The following GRM7 variants were observed in gnomAD, a reference collection of about 807,000 sequenced individuals.
GRM7 encodes glutamate metabotropic receptor 7, also known as metabotropic glutamate receptor 7.
GRM7 carries 35 observed loss-of-function variants against 84.5 expected under a neutral mutation model. The observed-to-expected ratio is 0.41, with a 90% CI of 0.32 to 0.55. GRM7 has a LOEUF of 0.55. GRM7 is among the 20% of genes least tolerant of loss of function. The pLI, the probability that GRM7 is intolerant of heterozygous loss-of-function variation, is 0.19. For missense variants in GRM7, 1,003 were observed against 1,194.6 expected, an observed-to-expected ratio of 0.84 and a Z score of 2.36; for synonymous variants, 487 against 455.1, an observed-to-expected ratio of 1.07 and a Z score of -0.89.
chr3:6,956,552 C>T lies in GRM7; in HGVS notation c.519+94645C>T, dbSNP rs893702896. The T allele has an allele frequency of 1.3e-5, 6 of 456,610 alleles. No homozygotes were observed. In the East Asian group the frequency reaches 2.1e-4, roughly 16 times the overall value. 28.3% of individuals were successfully genotyped at this position (456,610 alleles called of 1,614,324 possible). A position where few individuals can be genotyped will look rare whatever the true frequency, so the allele number is the denominator to read the frequency against. The stretch of plus-strand genomic sequence containing the variant: ...CTGTGGCATATTTTCCACACTCTCT[C>T]TTCTGTTCTCCTAGGGAGATGCCCT... On this transcript the variant is annotated intron_variant, in intron 1 of 9. Coordinates refer to ENST00000357716, the MANE Select transcript of GRM7 (RefSeq NM_000844.4).
chr3:6,890,645 C>T (rs1695895568), intron 1 of GRM7, among the ~76,000 whole-genome samples: 1 of 152,116 alleles, frequency 6.6e-6, no homozygotes, highest in Non-Finnish European at 1.5e-5. Flanking sequence ...GAGAGCTTTA[C>T]TTCCAAGTAT....
chr3:7,587,798 A>C (rs1470742102), intron 8 of GRM7, among the ~76,000 whole-genome samples: 1 of 152,178 alleles, frequency 6.6e-6, no homozygotes, highest in Non-Finnish European at 1.5e-5. Context: ...CCAGGTTAGC[A>C]CACAACCTGA....
At chr3:7,010,794 C>T (rs904196155) in intron 1 of GRM7, among the ~76,000 whole-genome samples, 3 of 152,142 alleles carry the variant, frequency 2.0e-5, no homozygotes, top group African/African-American at 7.2e-5. Context: ...CTCCAAGGTT[C>T]AGTCCCTTTT....
intron 1 of GRM7, among the ~76,000 whole-genome samples, chr3:7,064,895 G>T (rs796346565): frequency 6.6e-6 from 1 of 151,700 alleles, no homozygotes; most frequent in East Asian, 2.0e-4. Context: ...CAGGAGTAAA[G>T]TGGTATTGCA....
chr3:7,514,661 G>C (rs1031591417), intron 7 of GRM7, among the ~76,000 whole-genome samples: 4 of 152,150 alleles, frequency 2.6e-5, no homozygotes, highest in African/African-American at 9.7e-5. Flanking sequence ...CATGGGCATG[G>C]CTCCTTGGAC....
At chr3:7,501,816 A>G (rs1699893118) in intron 7 of GRM7, among the ~76,000 whole-genome samples, 1 of 152,206 alleles carries the variant, frequency 6.6e-6, no homozygotes, top group Non-Finnish European at 1.5e-5. Context: ...AATGCAATGG[A>G]AATAAACAAT....
At chr3:7,342,244 A>C (rs548294612) in intron 4 of GRM7, among the ~76,000 whole-genome samples, 87 of 152,254 alleles carry the variant, frequency 5.7e-4, no homozygotes, top group Middle Eastern at 3.4e-3. Flanking sequence ...TATGACTTTT[A>C]TTCAGTCTGG....
intron 1 of GRM7, among the ~76,000 whole-genome samples, chr3:7,116,154 AG>A (rs1353795702): frequency 1.3e-5 from 2 of 152,146 alleles, no homozygotes; most frequent in African/African-American, 4.8e-5. Flanking sequence ...GTACCAACAG[AG>A]TCTGGTGATG....
chr3:7,599,713 C>T (rs1290381778), intron 8 of GRM7, among the ~76,000 whole-genome samples: 1 of 152,138 alleles, frequency 6.6e-6, no homozygotes, highest in East Asian at 1.9e-4. Context: ...ATAAGATTAA[C>T]TGACAAAGAA....
chr3:7,483,102 T>C (rs1192704212), intron 7 of GRM7, among the ~76,000 whole-genome samples: 1 of 152,194 alleles, frequency 6.6e-6, no homozygotes, highest in Non-Finnish European at 1.5e-5. Flanking sequence ...GAGTCATCCA[T>C]TCACCCAATG....
At chr3:6,941,675 T>A (rs74573043) in intron 1 of GRM7, among the ~76,000 whole-genome samples, 7,949 of 152,294 alleles carry the variant, frequency 0.052, 249 homozygotes, top group African/African-American at 0.073. Context: ...GTGGTCTTGA[T>A]GTAGAAATAA....
intron 4 of GRM7, among the ~76,000 whole-genome samples, chr3:7,360,884 C>T (rs542989732): frequency 9.3e-4 from 142 of 152,130 alleles, no homozygotes; most frequent in Non-Finnish European, 1.7e-3. Flanking sequence ...TTTCCTGTCC[C>T]ATGAAATCTT....
At chr3:7,467,556 A>G (rs1441901942) in intron 7 of GRM7, among the ~76,000 whole-genome samples, 1 of 152,180 alleles carries the variant, frequency 6.6e-6, no homozygotes, top group African/African-American at 2.4e-5. Context: ...AATCTGAGAC[A>G]TCAACATGCT....
intron 1 of GRM7, among the ~76,000 whole-genome samples, chr3:6,965,146 G>A (rs1693465411): frequency 6.6e-6 from 1 of 152,048 alleles, no homozygotes; most frequent in African/African-American, 2.4e-5. Flanking sequence ...ACCCTAGGTG[G>A]GAGAGAGCCT....
chr3:7,339,676 CCTG>C (rs1701562980), intron 4 of GRM7, among the ~76,000 whole-genome samples: 1 of 151,990 alleles, frequency 6.6e-6, no homozygotes, highest in Non-Finnish European at 1.5e-5. Flanking sequence ...CAAGGGAAAT[CCTG>C]CTTCTTCATG....
At chr3:7,371,240 C>T (rs1476096775) in intron 4 of GRM7, among the ~76,000 whole-genome samples, 1 of 152,126 alleles carries the variant, frequency 6.6e-6, no homozygotes, top group African/African-American at 2.4e-5. Flanking sequence ...GCTATGGAAG[C>T]TTCTGAAAAC....
chr3:7,352,057 C>CACACA (rs1277659188), intron 4 of GRM7, among the ~76,000 whole-genome samples: 37 of 136,964 alleles, frequency 2.7e-4, no homozygotes, highest in Middle Eastern at 3.9e-3. Flanking sequence ...CACACACACA[C>CACACA]CACACACACA....
intron 2 of GRM7, among the ~76,000 whole-genome samples, chr3:7,202,542 G>T (rs1317387801): frequency 6.6e-6 from 1 of 152,042 alleles, no homozygotes; most frequent in African/African-American, 2.4e-5. Flanking sequence ...TGTTAGCTGG[G>T]CTGGTCTTGA....
At chr3:6,949,103 G>T (rs943113919) in intron 1 of GRM7, among the ~76,000 whole-genome samples, 1 of 152,142 alleles carries the variant, frequency 6.6e-6, no homozygotes, top group African/African-American at 2.4e-5. Flanking sequence ...TCATTATGAT[G>T]TTAGCTGGTT....
Sources: gnomAD v4.1 joint callset for allele counts (sites outside exome capture counted in the v4.1 genomes callset) on GRCh38, gnomAD v4.1.1 for gene constraint, MANE v1.5 for transcripts, NCBI Gene and HGNC (gene_info 2026-07-23, HGNC 2026-07-21) for gene names.